Variants in DNM3 observed in about 807,000 individuals in gnomAD.
DNM3 encodes the protein dynamin-3.
In DNM3, 47 loss-of-function variants were observed where a neutral mutation model predicts 101.6. That is an observed-to-expected ratio of 0.46 (90% CI 0.37 to 0.59). The LOEUF is 0.59. DNM3 is among the 20% of genes least tolerant of loss of function. The pLI is 0.00. For synonymous variants in DNM3, 385 were observed against 387.9 expected (o/e 0.99, Z 0.09); for missense variants, 849 against 1,085.7 (o/e 0.78, Z 3.06).
rs575492985 is a variant in DNM3 at position 172,411,945 on chromosome 1, T to A, written c.*4104T>A. Reference sequence around the variant, plus strand: ...AAATGAGTCTTCTAGATACTCTTACTCATCCTGTCTGGTTGCTATGTTTAA... The same window carrying A: ...AAATGAGTCTTCTAGATACTCTTACACATCCTGTCTGGTTGCTATGTTTAA... On this transcript the variant is annotated 3_prime_UTR_variant, in exon 21 of 21. Coordinates refer to ENST00000627582, the MANE Select transcript of DNM3 (RefSeq NM_015569.5). The A allele has an allele frequency of 2.0e-5, 20 of 985,804 alleles. No homozygotes were observed. In the African/African-American group the frequency reaches 3.5e-4, roughly 17 times the overall value. 61.1% of individuals were successfully genotyped at this position (985,804 alleles called of 1,614,324 possible).
chr1:172,213,143 G>A (rs1271965106), intron 14 of DNM3, among the ~76,000 whole-genome samples: 4 of 152,088 alleles, frequency 2.6e-5, no homozygotes, highest in Non-Finnish European at 5.9e-5. Context: ...CAACAGGAGA[G>A]CAGCAGCAGT....
At chr1:172,048,377 A>G (rs1483818694) in intron 9 of DNM3, among the ~76,000 whole-genome samples, 1 of 152,238 alleles carries the variant, frequency 6.6e-6, no homozygotes, top group Admixed American at 6.5e-5. Flanking sequence ...CACCATTTCT[A>G]TTGTAGCATT....
intron 1 of DNM3, among the ~76,000 whole-genome samples, chr1:171,916,773 A>G (rs2039746912): frequency 6.6e-6 from 1 of 152,178 alleles, no homozygotes; most frequent in African/African-American, 2.4e-5. Flanking sequence ...CAGAAAATAG[A>G]CAAACACAAA....
chr1:171,861,697 C>T (rs561366607), intron 1 of DNM3, among the ~76,000 whole-genome samples: 35 of 152,086 alleles, frequency 2.3e-4, no homozygotes, highest in Admixed American at 6.5e-4. Flanking sequence ...TTCTTAGCTA[C>T]GATACCCAAA....
chr1:172,100,993 T>C (rs2054602554), intron 13 of DNM3, among the ~76,000 whole-genome samples: 1 of 152,224 alleles, frequency 6.6e-6, no homozygotes, highest in Non-Finnish European at 1.5e-5. Context: ...TTCTGAACTA[T>C]TCACTGTGGC....
rs529255772 is a variant in DNM3 at position 171,859,124 on chromosome 1, T to C, written c.161+17307T>C. ...CATACAAGGCCCTGTGTAGCCCAGC[T>C]TCTCCAGGTTATGTGTTGTTATTCT... On this transcript the variant is annotated intron_variant, in intron 1 of 20. Transcript: ENST00000627582. Among the ~76,000 whole-genome samples, 8 of 152,314 alleles carry C rather than the reference T, an allele frequency of 5.3e-5. No homozygotes were observed. In the East Asian group the frequency reaches 1.4e-3, roughly 26 times the overall value.
intron 13 of DNM3, among the ~76,000 whole-genome samples, chr1:172,096,895 T>G (rs2054282808): frequency 6.6e-6 from 1 of 152,190 alleles, no homozygotes. Context: ...GTGAGGATGC[T>G]TTTGAAATTA....
intron 2 of DNM3, among the ~76,000 whole-genome samples, chr1:171,955,468 A>T (rs952715461): frequency 6.6e-6 from 1 of 152,164 alleles, no homozygotes; most frequent in Admixed American, 6.5e-5. Flanking sequence ...GGAATATGAG[A>T]TAGTTTTGGC....
chr1:172,099,095 T>A (rs899048309), intron 13 of DNM3, among the ~76,000 whole-genome samples: 2 of 152,164 alleles, frequency 1.3e-5, no homozygotes, highest in African/African-American at 4.8e-5. Context: ...GCATGGAAGG[T>A]CAAGAGAGAA....
Position 172,407,789 on chromosome 1 carries a change from C to G in DNM3, c.2540C>G (p.Ser847Ter). 1 of 1,613,294 alleles carries G rather than the reference C, an allele frequency of 6.2e-7. No individual in the cohort carries two copies. The highest frequency in any genetic ancestry group is 8.5e-7 in the Non-Finnish European group (1 of 1,179,356). ...CTTTCTAGCCGGAGACCACCCCCAT[C>G]ACCAACTCGTCCCACTATAATCCGC... ...PSVPSRRPPP[S>*]PTRPTIIRPL... The change falls in exon 21 of 21, where the codon TCA becomes TGA. Residue 847 changes from serine (S) to a stop codon, truncating the protein, a stop_gained. Coordinates refer to ENST00000627582, the MANE Select transcript of DNM3 (RefSeq NM_015569.5). LOFTEE classifies it high-confidence loss of function.
intron 16 of DNM3, among the ~76,000 whole-genome samples, chr1:172,320,749 G>T (rs1186029146): frequency 6.6e-5 from 10 of 152,268 alleles, no homozygotes; most frequent in Middle Eastern, 6.8e-3. Context: ...GATGCACTCT[G>T]GGGGGATAGG....
At position 172,062,179 on chromosome 1, in the gene DNM3, T is replaced by G. The variant is rs184931057; in HGVS notation, c.1336-6640T>G. On this transcript the variant is annotated intron_variant, in intron 10 of 20. Transcript: ENST00000627582. ...TTTCCTCCCACTTTCTGTTGTGAAG[T>G]TTTTTTCCATTTTAACTGCTCATTA... 2.0e-5 allele frequency among the ~76,000 whole-genome samples: 3 copies of G among 152,280 alleles called. No individual in the cohort carries two copies. In the East Asian group the frequency reaches 5.8e-4, roughly 29 times the overall value.
At chr1:172,077,595 TG>T in intron 11 of DNM3, among the ~76,000 whole-genome samples, 1 of 152,350 alleles carries the variant, frequency 6.6e-6, no homozygotes, top group Non-Finnish European at 1.5e-5. Context: ...AGGAGCAGGT[TG>T]TTCAGTTTCC....
chr1:171,981,401 T>G (rs1478210501), intron 2 of DNM3, among the ~76,000 whole-genome samples: 1 of 152,238 alleles, frequency 6.6e-6, no homozygotes, highest in African/African-American at 2.4e-5. Context: ...CCTTTCTACT[T>G]AACCTTGATT....
At chr1:172,046,118 C>T (rs2049773676) in intron 9 of DNM3, among the ~76,000 whole-genome samples, 1 of 152,052 alleles carries the variant, frequency 6.6e-6, no homozygotes, top group South Asian at 2.1e-4. Flanking sequence ...ATGTTTATTG[C>T]AGCACTATTC....
At chr1:171,955,984 A>G (rs1262800482) in intron 2 of DNM3, among the ~76,000 whole-genome samples, 1 of 152,118 alleles carries the variant, frequency 6.6e-6, no homozygotes, top group African/African-American at 2.4e-5. Flanking sequence ...CATGAGAAAG[A>G]TCCGCCCCCA....
At chr1:171,976,348 C>T (rs2057301) in intron 2 of DNM3, among the ~76,000 whole-genome samples, 79,485 of 152,032 alleles carry the variant, frequency 0.52, 22,206 homozygotes, top group East Asian at 0.74. Context: ...AACTGACTTA[C>T]AGTTCCACAT....
At chr1:172,197,279 G>A (rs1019678786) in intron 14 of DNM3, among the ~76,000 whole-genome samples, 2 of 151,860 alleles carry the variant, frequency 1.3e-5, no homozygotes, top group African/African-American at 4.8e-5. Context: ...GCCTGTTTTT[G>A]TATCAGTACC....
chr1:172,235,962 T>C (rs1458520848), intron 14 of DNM3, among the ~76,000 whole-genome samples: 1 of 152,152 alleles, frequency 6.6e-6, no homozygotes, highest in African/African-American at 2.4e-5. Context: ...AACCTGCACG[T>C]TGTGCACATG....
Sources: allele counts gnomAD v4.1 joint callset (sites outside exome capture counted in the v4.1 genomes callset), GRCh38; gene constraint gnomAD v4.1.1; transcripts MANE v1.5; gene names NCBI Gene and HGNC (gene_info 2026-07-23, HGNC 2026-07-21).